AKT3: variants seen among roughly 807,000 people sequenced by gnomAD.
AKT3 encodes the protein AKT serine/threonine kinase 3, also known as RAC-gamma serine/threonine-protein kinase.
AKT3 carries 15 observed loss-of-function variants against 65.3 expected under a neutral mutation model. The ratio of observed to expected loss-of-function variants is 0.23; its 90% CI spans 0.15 to 0.35. The LOEUF (loss-of-function observed/expected upper bound fraction) is 0.35. Ranked by LOEUF, AKT3 falls within the 10% of genes least tolerant of loss-of-function variation. The probability of loss-of-function intolerance (pLI) is 1.00; values close to 1 mark genes in which losing one functional copy is unlikely to be tolerated. For missense variants in AKT3, 243 were observed against 576.5 expected, an observed-to-expected ratio of 0.42 and a Z score of 5.92; for synonymous variants, 206 against 183.8, an observed-to-expected ratio of 1.12 and a Z score of -0.98.
chr1:243,773,473 A>G (rs1035284114), intron 2 of AKT3, among the ~76,000 whole-genome samples: 2 of 152,142 alleles, frequency 1.3e-5, no homozygotes, highest in South Asian at 2.1e-4. Context: ...TTTATCTCTT[A>G]TAAAACTTGA....
At chr1:243,535,330 G>A (rs193069500) in intron 12 of AKT3, among the ~76,000 whole-genome samples, 1 of 151,672 alleles carries the variant, frequency 6.6e-6, no homozygotes, top group African/African-American at 2.4e-5. Flanking sequence ...AATAGTGTAC[G>A]TTGTACCCAA....
intron 2 of AKT3, among the ~76,000 whole-genome samples, chr1:243,759,931 C>A (rs1203492292): frequency 1.3e-5 from 2 of 152,080 alleles, no homozygotes; most frequent in African/African-American, 4.8e-5. Context: ...AAGCTGAAAT[C>A]ACAAATGGCT....
At chr1:243,634,497 C>A (rs320332) in intron 6 of AKT3, among the ~76,000 whole-genome samples, 120,700 of 151,522 alleles carry the variant, frequency 0.8, 48,225 homozygotes, top group Non-Finnish European at 0.83. Flanking sequence ...TATTGTGATA[C>A]AAGTTATTGT....
At chr1:243,845,723 C>A (rs1263927135) in intron 1 of AKT3, among the ~76,000 whole-genome samples, 1 of 151,336 alleles carries the variant, frequency 6.6e-6, no homozygotes, top group Non-Finnish European at 1.5e-5. Flanking sequence ...TCCATACATA[C>A]ATATAAAATG....
chr1:243,522,225 T>A (rs947349488), intron 12 of AKT3, among the ~76,000 whole-genome samples: 2 of 152,218 alleles, frequency 1.3e-5, no homozygotes, highest in African/African-American at 4.8e-5. Flanking sequence ...CTGTCCAACA[T>A]CAGCAGTGTG....
At chr1:243,761,550 T>TA (rs936366677) in intron 2 of AKT3, among the ~76,000 whole-genome samples, 5 of 152,050 alleles carry the variant, frequency 3.3e-5, no homozygotes, top group Non-Finnish European at 5.9e-5. Flanking sequence ...TACTCAGTCT[T>TA]AAAAAAAGAA....
rs1481711202 is a variant in AKT3, at chr1:243,739,231, AATAAT to A, written c.47-43520_47-43516del. Reference sequence around the variant, plus strand: ...AAAAAGAAAGAGTAAAATTTAACTGAATAATATATTTAACCAAGTATATCCAAAAT... The same window carrying A: ...AAAAAGAAAGAGTAAAATTTAACTGAATATTTAACCAAGTATATCCAAAAT... On this transcript the variant is annotated intron_variant, in intron 2 of 13. Transcript: ENST00000673466. Among the ~76,000 whole-genome samples, 4 of 152,220 alleles carry A rather than the reference AATAAT, an allele frequency of 2.6e-5. No individual in the cohort carries two copies. In the East Asian group the frequency reaches 7.7e-4, roughly 29 times the overall value.
chr1:243,636,764 C>CTAT (rs1323782652), intron 6 of AKT3, among the ~76,000 whole-genome samples: 2 of 152,046 alleles, frequency 1.3e-5, no homozygotes, highest in African/African-American at 4.8e-5. Context: ...TTGTTAAAGA[C>CTAT]TATTAGGTGA....
intron 2 of AKT3, among the ~76,000 whole-genome samples, chr1:243,827,700 T>C (rs1035578884): frequency 2.0e-5 from 3 of 152,180 alleles, no homozygotes; most frequent in African/African-American, 7.2e-5. Flanking sequence ...TACGTACTTG[T>C]CGCTTTAGTA....
chr1:243,523,061 A>T (rs1670820874), intron 12 of AKT3, among the ~76,000 whole-genome samples: 1 of 152,128 alleles, frequency 6.6e-6, no homozygotes, highest in Non-Finnish European at 1.5e-5. Flanking sequence ...AAGAGGTAGA[A>T]GGTCAATTTG....
At chr1:243,796,537 T>C (rs1206660960) in intron 2 of AKT3, among the ~76,000 whole-genome samples, 2 of 152,232 alleles carry the variant, frequency 1.3e-5, no homozygotes, top group Non-Finnish European at 2.9e-5. Context: ...CCTAAAATAA[T>C]ACGGCCAATG....
intron 8 of AKT3, among the ~76,000 whole-genome samples, chr1:243,591,970 T>C (rs905024429): frequency 6.6e-6 from 1 of 152,124 alleles, no homozygotes; most frequent in Admixed American, 6.5e-5. Context: ...AACAAAATAC[T>C]TACAGAACAA....
In AKT3 at chr1:243,612,219, C is replaced by T. The variant is rs188195331; in HGVS notation, c.696+1452G>A. Among the ~76,000 whole-genome samples, 13 of 152,180 alleles carry T rather than the reference C, an allele frequency of 8.5e-5. No individual in the cohort carries two copies. In the East Asian group the frequency reaches 2.5e-3, roughly 29 times the overall value. On this transcript the variant is annotated intron_variant, in intron 8 of 13. Coordinates refer to ENST00000673466, the MANE Select transcript of AKT3 (RefSeq NM_005465.7). ...GACCTCCCAGGCTCAAGTGATCCTC[C>T]CGCCTCAGCTCCTCAGTAGCTGGGA...
chr1:243,752,837 C>G (rs1688892370), intron 2 of AKT3, among the ~76,000 whole-genome samples: 1 of 152,166 alleles, frequency 6.6e-6, no homozygotes, highest in African/African-American at 2.4e-5. Context: ...ATTAAATCAG[C>G]TCTAATTCTA....
At position 243,634,754 on chromosome 1, in the gene AKT3, A is replaced by G. The variant is rs116008100; in HGVS notation, c.561+2857T>C. Among the ~76,000 whole-genome samples the G allele has an allele frequency of 5.6e-3, 850 of 152,134 alleles. 11 individuals are homozygous for G. Among genetic ancestry groups the G allele is most frequent in the African/African-American group, 0.019 (809 of 41,570 alleles). On this transcript the variant is annotated intron_variant, in intron 6 of 13. Transcript: ENST00000673466. ...AAAGTTAATACAGCAAGATATAACA[A>G]TAATAAACACTTACATACCTAATAA...
At chr1:243,708,620 G>A (rs12140040) in intron 2 of AKT3, among the ~76,000 whole-genome samples, 19,543 of 151,886 alleles carry the variant, frequency 0.13, 1,550 homozygotes, top group East Asian at 0.31. Context: ...CATCAGGAAG[G>A]AAAATGCATG....
At chr1:243,567,795 A>G (rs1454801003) in intron 9 of AKT3, among the ~76,000 whole-genome samples, 1 of 152,228 alleles carries the variant, frequency 6.6e-6, no homozygotes, top group Non-Finnish European at 1.5e-5. Context: ...TTGTATAAAG[A>G]TAAATCAGGA....
intron 3 of AKT3, among the ~76,000 whole-genome samples, chr1:243,673,491 C>A (rs1019915842): frequency 6.6e-6 from 1 of 151,652 alleles, no homozygotes. Context: ...TACTCATACA[C>A]CAGAATAAGC....
At chr1:243,832,871 G>A (rs888350524) in intron 2 of AKT3, among the ~76,000 whole-genome samples, 4 of 152,088 alleles carry the variant, frequency 2.6e-5, no homozygotes, top group Non-Finnish European at 5.9e-5. Context: ...TAAAAATATG[G>A]TATTATAATC....
Sources: gnomAD v4.1 joint callset for allele counts (sites outside exome capture counted in the v4.1 genomes callset) on GRCh38, gnomAD v4.1.1 for gene constraint, MANE v1.5 for transcripts, NCBI Gene and HGNC (gene_info 2026-07-23, HGNC 2026-07-21) for gene names.